EDIL3: variants seen among roughly 807,000 people sequenced by gnomAD.
EDIL3 encodes the protein EGF-like repeat and discoidin I-like domain-containing protein 3.
A neutral mutation model predicts 67.4 loss-of-function variants in EDIL3; 37 were observed. The observed-to-expected ratio is 0.55, with a 90% confidence interval of 0.42 to 0.72. The LOEUF is 0.72. Ranked by LOEUF, EDIL3 falls within the 30% of genes least tolerant of loss-of-function variation. The pLI, the probability that EDIL3 is intolerant of heterozygous loss-of-function variation, is 0.00. For missense variants in EDIL3, 527 were observed against 586.3 expected, an observed-to-expected ratio of 0.90 and a Z score of 1.04; for synonymous variants, 195 against 196.3, an observed-to-expected ratio of 0.99 and a Z score of 0.05.
intron 6 of EDIL3, among the ~76,000 whole-genome samples, chr5:84,094,991 C>T (rs1747238853): frequency 6.6e-6 from 1 of 152,128 alleles, no homozygotes; most frequent in Non-Finnish European, 1.5e-5. Context: ...ATTATCTTTC[C>T]TCATTTTCTT....
intron 9 of EDIL3, among the ~76,000 whole-genome samples, chr5:83,978,923 T>C (rs890950739): frequency 6.6e-6 from 1 of 152,090 alleles, no homozygotes; most frequent in Non-Finnish European, 1.5e-5. Flanking sequence ...AAGTAATTTT[T>C]AAGCAAAACA....
chr5:83,990,262 G>T (rs1434149200), intron 9 of EDIL3, among the ~76,000 whole-genome samples: 2 of 152,138 alleles, frequency 1.3e-5, no homozygotes, highest in African/African-American at 4.8e-5. Context: ...GCCAAGGCAG[G>T]CAGATCACAA....
At chr5:84,360,231 G>A (rs1157494462) in intron 1 of EDIL3, among the ~76,000 whole-genome samples, 2 of 152,154 alleles carry the variant, frequency 1.3e-5, no homozygotes, top group African/African-American at 4.8e-5. Context: ...GGAGAAGGTG[G>A]GAGGAGAAAA....
chr5:84,313,120 A>C (rs1746439269), intron 1 of EDIL3, among the ~76,000 whole-genome samples: 1 of 152,208 alleles, frequency 6.6e-6, no homozygotes, highest in Admixed American at 6.5e-5. Flanking sequence ...AGTTAAAATT[A>C]AGTAAGGGCA....
At chr5:84,118,229 T>C (rs933276218) in intron 5 of EDIL3, among the ~76,000 whole-genome samples, 1 of 152,118 alleles carries the variant, frequency 6.6e-6, no homozygotes, top group Admixed American at 6.5e-5. Context: ...ATTGTGTGAG[T>C]GAGCTAAAAA....
intron 1 of EDIL3, among the ~76,000 whole-genome samples, chr5:84,291,634 G>GTA (rs1561247375): frequency 6.8e-6 from 1 of 147,204 alleles, no homozygotes; most frequent in African/African-American, 2.5e-5. Flanking sequence ...GTATGTGTGT[G>GTA]TATATATCTA....
intron 6 of EDIL3, among the ~76,000 whole-genome samples, chr5:84,101,679 T>G (rs1183898089): frequency 6.6e-6 from 1 of 151,982 alleles, no homozygotes; most frequent in Admixed American, 6.6e-5. Flanking sequence ...CAGTAATAGA[T>G]AGCCTACCAA....
chr5:83,990,099 G>A (rs1318463968), intron 9 of EDIL3, among the ~76,000 whole-genome samples: 1 of 152,122 alleles, frequency 6.6e-6, no homozygotes, highest in Admixed American at 6.5e-5. Flanking sequence ...CCTGAGCAGA[G>A]AACCCAATAA....
chr5:84,241,423 T>C (rs1395491550), intron 2 of EDIL3, among the ~76,000 whole-genome samples: 1 of 152,222 alleles, frequency 6.6e-6, no homozygotes, highest in East Asian at 1.9e-4. Flanking sequence ...GATTCCCATT[T>C]TGCAATCTTA....
chr5:84,097,247 C>T (rs1561430560), intron 6 of EDIL3, among the ~76,000 whole-genome samples: 1 of 152,054 alleles, frequency 6.6e-6, no homozygotes, highest in African/African-American at 2.4e-5. Context: ...AAGAGAGTTC[C>T]AAACCCAATT....
At chr5:84,086,169 G>A (rs759470239) in intron 6 of EDIL3, among the ~76,000 whole-genome samples, 7 of 152,128 alleles carry the variant, frequency 4.6e-5, no homozygotes, top group Admixed American at 2.0e-4. Context: ...AGGAGTGGCC[G>A]GTTCTTCTGT....
At chr5:84,164,750 G>A (rs1248345852) in intron 4 of EDIL3, among the ~76,000 whole-genome samples, 1 of 152,112 alleles carries the variant, frequency 6.6e-6, no homozygotes, top group African/African-American at 2.4e-5. Context: ...AATCATAGAT[G>A]ACTCAGGCAG....
At chr5:83,948,269 A>G (rs1257520270) in intron 10 of EDIL3, among the ~76,000 whole-genome samples, 1 of 151,700 alleles carries the variant, frequency 6.6e-6, no homozygotes, top group Non-Finnish European at 1.5e-5. Context: ...TGTGGCTGAC[A>G]TAAGGGACAG....
At chr5:84,012,980 T>G (rs1018319986) in intron 9 of EDIL3, among the ~76,000 whole-genome samples, 1 of 151,988 alleles carries the variant, frequency 6.6e-6, no homozygotes, top group Admixed American at 6.6e-5. Flanking sequence ...ACTTCCAATC[T>G]TACTAGAATT....
intron 9 of EDIL3, among the ~76,000 whole-genome samples, chr5:83,969,719 C>A (rs1744757630): frequency 6.6e-6 from 1 of 151,708 alleles, no homozygotes; most frequent in Non-Finnish European, 1.5e-5. Context: ...TCTTTACACA[C>A]CAATCCCATT....
intron 1 of EDIL3, among the ~76,000 whole-genome samples, chr5:84,283,518 T>C (rs548309850): frequency 2.0e-5 from 3 of 152,278 alleles, no homozygotes; most frequent in South Asian, 2.1e-4. Flanking sequence ...GAAACCAGTC[T>C]ACAGCTTAAA....
chr5:84,285,018 A>G (rs1745782561), intron 1 of EDIL3, among the ~76,000 whole-genome samples: 3 of 152,206 alleles, frequency 2.0e-5, no homozygotes, highest in Non-Finnish European at 4.4e-5. Context: ...TGTCACAAGA[A>G]GTCAGTACCT....
intron 1 of EDIL3, among the ~76,000 whole-genome samples, chr5:84,366,405 A>G (rs1747734831): frequency 6.6e-6 from 1 of 152,194 alleles, no homozygotes; most frequent in South Asian, 2.1e-4. Context: ...TGAGAAAACC[A>G]AAGTTAGTAA....
At chr5:83,947,528 C>A (rs190919597) in intron 10 of EDIL3, among the ~76,000 whole-genome samples, 18 of 151,850 alleles carry the variant, frequency 1.2e-4, no homozygotes, top group Non-Finnish European at 1.5e-4. Context: ...AGCTCTGATC[C>A]TCAGAAACCC....
Sources: gnomAD v4.1 joint callset for allele counts (sites outside exome capture counted in the v4.1 genomes callset) on GRCh38, gnomAD v4.1.1 for gene constraint, MANE v1.5 for transcripts, NCBI Gene and HGNC (gene_info 2026-07-23, HGNC 2026-07-21) for gene names.